The following GIPC3 variants were observed in gnomAD, a reference collection of about 807,000 sequenced individuals.
The protein encoded by GIPC3 is GIPC PDZ domain containing family member 3.
Under a neutral mutation model 27.3 loss-of-function variants are expected in GIPC3, and 16 were observed. The observed-to-expected ratio is 0.59, with a 90% CI of 0.40 to 0.89. GIPC3 has a LOEUF of 0.89. Ranked by LOEUF, GIPC3 falls within the 40% of genes least tolerant of loss-of-function variation. The probability of loss-of-function intolerance (pLI) is 0.00; values close to 1 mark genes in which losing one functional copy is unlikely to be tolerated. For synonymous variants in GIPC3, 194 were observed against 184.6 expected (o/e 1.05, Z -0.41); for missense variants, 440 against 442.1 (o/e 1.00, Z 0.04).
rs973011126 is a variant in GIPC3, at chr19:3,590,430, T to A, written c.*240T>A. The A allele has an allele frequency of 1.4e-6, 2 of 1,430,362 alleles. No homozygotes were observed. Among genetic ancestry groups the A allele is most frequent in the Non-Finnish European group, 1.8e-6 (2 of 1,097,092 alleles). 88.6% of individuals were successfully genotyped at this position (1,430,362 alleles called of 1,614,324 possible). ...CAAGCCCAGCATTGAGAATAAGCTC[T>A]GTTCTAAAACTCAGGCCAGCCCTGA... On this transcript the variant is annotated 3_prime_UTR_variant, in exon 6 of 6. Transcript: ENST00000644452.
Position 3,585,906 on chromosome 19 carries a change from C to T in GIPC3, c.225+84C>T. On this transcript the variant is annotated intron_variant, in intron 1 of 5. Transcript: ENST00000644452. Reference sequence around the variant, plus strand: ...AGCTTGGACCCTGGACGGGAGACCCCAGATCCCCGGATCCCAGACGTCGGG... The same window carrying T: ...AGCTTGGACCCTGGACGGGAGACCCTAGATCCCCGGATCCCAGACGTCGGG... 2.0e-6 allele frequency: 3 copies of T among 1,479,106 alleles called. No homozygotes were observed. The East Asian group carries it at 8.1e-5, about 40-fold the overall frequency. The allele number at this position is 1,479,106 out of a possible 1,614,324, so 91.6% of individuals were successfully genotyped here. A position where few individuals can be genotyped will look rare whatever the true frequency, so the allele number is the denominator to read the frequency against.
chr19:3,589,938 G>A (rs773696215), intron 5 of GIPC3, 26 bp downstream of exon 5: 7 of 1,613,458 alleles, frequency 4.3e-6, no homozygotes, highest in African/African-American at 1.3e-5. Context: ...AAGCCAGGGG[G>A]CCCTGGGGGG....
rs774520702 is a variant in GIPC3, at chr19:3,589,574, C to G, written c.705+19C>G. On this transcript the variant is annotated intron_variant, in intron 4 of 5. Coordinates refer to ENST00000644452, the MANE Select transcript of GIPC3 (RefSeq NM_133261.3). ...GGAAGCGGTGAGTGAAGGGGAGGGG[C>G]TCTCCCCAGGCTTCTGCACCTTCAG... 1 of 1,587,794 alleles carries G rather than the reference C, an allele frequency of 6.3e-7. No individual in the cohort carries two copies. The highest frequency in any genetic ancestry group is 1.1e-5 in the South Asian group (1 of 90,496).
At position 3,585,687 on chromosome 19, in the gene GIPC3, G is replaced by A. The variant is rs1358768124; in HGVS notation, c.90G>A (p.Ala30=). ...CCGCGCCCTCGGAGCCCCCGGCCGC[G>A]CCCCGCGCCCGCCCGCGCCTCGTCT... ...PPPAPSEPPA[A]PRARPRLVFR... is the part of the protein sequence containing the mutation. The change falls in exon 1 of 6, where the codon GCG becomes GCA. Residue 30 remains alanine, a synonymous_variant. Transcript: ENST00000644452. 2 of 1,389,156 alleles carry A rather than the reference G, an allele frequency of 1.4e-6. No homozygotes were observed. Among genetic ancestry groups the A allele is most frequent in the Admixed American group, 2.6e-5 (1 of 38,492 alleles). 86.1% of individuals were successfully genotyped at this position (1,389,156 alleles called of 1,614,324 possible).
rs914526444 is a variant in GIPC3, at chr19:3,591,022, T to A, written c.*832T>A. The A allele has an allele frequency of 8.1e-6, 10 of 1,232,594 alleles. No individual in the cohort carries two copies. The African/African-American group carries it at 1.1e-4, about 13-fold the overall frequency. 76.4% of individuals were successfully genotyped at this position (1,232,594 alleles called of 1,614,324 possible). On this transcript the variant is annotated 3_prime_UTR_variant, in exon 6 of 6. Coordinates refer to ENST00000644452, the MANE Select transcript of GIPC3 (RefSeq NM_133261.3). ...ACCAAGCCCAGCTCTAGAACCCAGA[T>A]AAGCTCTGAAACCAAGCCCAGCATA...
At chr19:3,586,713 G>A (rs777929510) in intron 2 of GIPC3, 33 bp downstream of exon 2, 4 of 1,609,798 alleles carry the variant, frequency 2.5e-6, no homozygotes, top group Middle Eastern at 1.6e-4. Context: ...GTGGCTTCCT[G>A]GGGTCCAGCA....
At position 3,585,549 on chromosome 19, in the gene GIPC3, TC is replaced by T; in HGVS notation, c.-47del. Reference sequence around the variant, plus strand: ...AGGGGAGGCTGCAGGAAGCGGCGGATCCGGCGGCGGCGGCGAGGGCCCGGGT... The same window carrying T: ...AGGGGAGGCTGCAGGAAGCGGCGGATCGGCGGCGGCGGCGAGGGCCCGGGT... On this transcript the variant is annotated 5_prime_UTR_variant, in exon 1 of 6. Transcript: ENST00000644452. 1 of 1,132,078 alleles carries T rather than the reference TC, an allele frequency of 8.8e-7. No homozygotes were observed. Among genetic ancestry groups the T allele is most frequent in the Non-Finnish European group, 1.1e-6 (1 of 924,430 alleles). The allele number at this position is 1,132,078 out of a possible 1,614,324, so 70.1% of individuals were successfully genotyped here. A position where few individuals can be genotyped will look rare whatever the true frequency, so the allele number is the denominator to read the frequency against.
In GIPC3 at chr19:3,592,912, C is replaced by T. The variant is rs2032512956; in HGVS notation, c.*2722C>T. On this transcript the variant is annotated 3_prime_UTR_variant, in exon 6 of 6. Transcript: ENST00000644452. ...AGAATCCAGCTTGAGGCCCCTGCCC[C>T]AGCCCAACCTCAGCCCCCAGGCCCA... 1.1e-5 allele frequency: 13 copies of T among 1,231,784 alleles called. No individual in the cohort carries two copies. The highest frequency in any genetic ancestry group is 1.3e-5 in the Non-Finnish European group (13 of 987,862). 76.3% of individuals were successfully genotyped at this position (1,231,784 alleles called of 1,614,324 possible). A position where few individuals can be genotyped will look rare whatever the true frequency, so the allele number is the denominator to read the frequency against.
In GIPC3 at chr19:3,591,318, GACA is replaced by G; in HGVS notation, c.*1133_*1135del. 1 of 1,232,480 alleles carries G rather than the reference GACA, an allele frequency of 8.1e-7. No homozygotes were observed. The highest frequency in any genetic ancestry group is 1.0e-6 in the Non-Finnish European group (1 of 988,328). The allele number at this position is 1,232,480 out of a possible 1,614,324, so 76.3% of individuals were successfully genotyped here. On this transcript the variant is annotated 3_prime_UTR_variant, in exon 6 of 6. Coordinates refer to ENST00000644452, the MANE Select transcript of GIPC3 (RefSeq NM_133261.3). ...CATCTCTAGAATCCAGCTGAGCCCT[GACA>G]ACAAGCCAAACTCTGGAACCCAGAC...
chr19:3,589,806 T>G, intron 4 of GIPC3, 25 bp from the exon 5 acceptor site: 1 of 1,611,074 alleles, frequency 6.2e-7, no homozygotes, highest in Non-Finnish European at 8.5e-7. Context: ...TTTTCACCCC[T>G]GACTTCCCTC....
chr19:3,586,432 C>G lies in GIPC3; in HGVS notation c.226-63C>G, dbSNP rs963471437. The G allele has an allele frequency of 4.0e-6, 6 of 1,489,542 alleles. No individual in the cohort carries two copies. In the Admixed American group the frequency reaches 8.8e-5, roughly 22 times the overall value. 92.3% of individuals were successfully genotyped at this position (1,489,542 alleles called of 1,614,324 possible). ...CGCTGGGGGCAGGGGCCTGCGCAGA[C>G]AGGGTGGCTGCGTGGGGGGATGCAT... On this transcript the variant is annotated intron_variant, in intron 1 of 5. Coordinates refer to ENST00000644452, the MANE Select transcript of GIPC3 (RefSeq NM_133261.3).
chr19:3,586,389 A>G, intron 1 of GIPC3, 106 bp from the exon 2 acceptor site: 1 of 1,026,256 alleles, frequency 9.7e-7, no homozygotes, highest in Non-Finnish European at 1.5e-6. Context: ...GCCCTTTCCC[A>G]TGGGCTGGGA....
chr19:3,587,572 G>A (rs1306864532), intron 3 of GIPC3, among the ~76,000 whole-genome samples: 1 of 152,122 alleles, frequency 6.6e-6, no homozygotes, highest in Non-Finnish European at 1.5e-5. Context: ...GTGAGCCACC[G>A]CGCGCAGCCT....
Position 3,585,517 on chromosome 19 carries a change from C to A in GIPC3, c.-81C>A. ...GGCGTCTCGGCTGTCGCGCCCTGGG[C>A]CGGGGGAGGGGAGGCTGCAGGAAGC... is the stretch of plus-strand genomic sequence containing the variant. On this transcript the variant is annotated 5_prime_UTR_variant, in exon 1 of 6. Transcript: ENST00000644452. 1 of 1,060,500 alleles carries A rather than the reference C, an allele frequency of 9.4e-7. No homozygotes were observed. Among genetic ancestry groups the A allele is most frequent in the Non-Finnish European group, 1.1e-6 (1 of 876,840 alleles). The allele number at this position is 1,060,500 out of a possible 1,614,324, so 65.7% of individuals were successfully genotyped here.
Position 3,592,486 on chromosome 19 carries a change from C to G in GIPC3, c.*2296C>G. On this transcript the variant is annotated 3_prime_UTR_variant, in exon 6 of 6. Transcript: ENST00000644452. The stretch of plus-strand genomic sequence containing the variant: ...ACTAGTTCTGGAAACCAGCTCAGCT[C>G]CGGGACCCAGACCACTGCAAGAATT... 1 of 1,232,040 alleles carries G rather than the reference C, an allele frequency of 8.1e-7. No individual in the cohort carries two copies. 76.3% of individuals were successfully genotyped at this position (1,232,040 alleles called of 1,614,324 possible).
intron 3 of GIPC3, among the ~76,000 whole-genome samples, chr19:3,587,982 C>A (rs552279734): frequency 6.6e-6 from 1 of 152,166 alleles, no homozygotes; most frequent in African/African-American, 2.4e-5. Flanking sequence ...AGCCACCGCG[C>A]CTGGCCGTGC....
intron 3 of GIPC3, among the ~76,000 whole-genome samples, chr19:3,587,429 C>T (rs2032393362): frequency 6.6e-6 from 1 of 151,744 alleles, no homozygotes; most frequent in Non-Finnish European, 1.5e-5. Flanking sequence ...CTACAGGCAC[C>T]CACCATTGCG....
At position 3,587,013 on chromosome 19, in the gene GIPC3, C is replaced by G. The variant is rs369691438; in HGVS notation, c.592+19C>G. On this transcript the variant is annotated intron_variant, in intron 3 of 5. Coordinates refer to ENST00000644452, the MANE Select transcript of GIPC3 (RefSeq NM_133261.3). ...GCCTTCGGTGAGGCGGGTGGGCTGGCGGGAGCTCTTCCCGAAGTGCGTTCT... is the reference window on the plus strand; with the variant it reads ...GCCTTCGGTGAGGCGGGTGGGCTGGGGGGAGCTCTTCCCGAAGTGCGTTCT... 27 of 1,604,698 alleles carry G rather than the reference C, an allele frequency of 1.7e-5. No homozygotes were observed. The East Asian group carries it at 6.1e-4, about 36-fold the overall frequency.
intron 1 of GIPC3, among the ~76,000 whole-genome samples, chr19:3,586,077 C>G (rs1011802089): frequency 1.3e-5 from 2 of 152,222 alleles, no homozygotes; most frequent in South Asian, 2.1e-4. Flanking sequence ...AAATCCTCTG[C>G]GCAGACCTAG....
Sources: gnomAD v4.1 joint callset for allele counts (sites outside exome capture counted in the v4.1 genomes callset) on GRCh38, gnomAD v4.1.1 for gene constraint, MANE v1.5 for transcripts, NCBI Gene and HGNC (gene_info 2026-07-23, HGNC 2026-07-21) for gene names.